KRT84: variants seen among roughly 807,000 people sequenced by gnomAD.
KRT84 encodes the protein keratin 84, also known as keratin, type II cuticular Hb4.
Under a neutral mutation model 49.0 loss-of-function variants are expected in KRT84, and 38 were observed. The ratio of observed to expected loss-of-function variants is 0.78; its 90% CI spans 0.60 to 1.02. The LOEUF is 1.02. Among genes scored for constraint, KRT84 ranks in the 50% least tolerant of loss-of-function variants. KRT84 has a pLI of 0.00. For missense variants in KRT84, 860 were observed against 788.6 expected, an observed-to-expected ratio of 1.09 and a Z score of -1.08; for synonymous variants, 334 against 312.8, an observed-to-expected ratio of 1.07 and a Z score of -0.72.
rs767305118 is a variant in KRT84 at position 52,385,606 on chromosome 12, C to T, written c.-21G>A. 3.1e-6 allele frequency: 5 copies of T among 1,606,088 alleles called. No individual in the cohort carries two copies. In the Admixed American group the frequency reaches 5.0e-5, roughly 16 times the overall value. ...GACATGATGGCTTCCTGGTTGGGAG[C>T]AAAAGAGCAAGTGTAGAATGGGTGA... On this transcript the variant is annotated 5_prime_UTR_variant, in exon 1 of 9. Transcript: ENST00000257951.
Position 52,382,443 on chromosome 12 carries a change from G to A in KRT84, c.906C>T (p.Tyr302=), listed in dbSNP as rs374618344. The A allele has an allele frequency of 6.2e-5, 100 of 1,612,100 alleles. No homozygotes were observed. In the East Asian group the frequency reaches 1.4e-3, roughly 23 times the overall value. Residue 302 remains tyrosine, a synonymous_variant, in exon 4 of 9, where the codon TAC becomes TAT. Transcript: ENST00000257951. The stretch of plus-strand genomic sequence containing the variant: ...AGAGAAGATGAACCCTCACCTCCAT[G>A]TAAAGCGTTTTTAGAAAGTCAATTT... ...TQEIDFLKTL[Y]MEEIQLLQSH...
chr12:52,380,124 T>A (rs557402623), intron 7 of KRT84, among the ~76,000 whole-genome samples: 1 of 152,328 alleles, frequency 6.6e-6, no homozygotes, highest in East Asian at 1.9e-4. Flanking sequence ...TTAGTAGTAA[T>A]TTTAGCAAAA....
rs570049642 is a variant in KRT84, at chr12:52,378,309, C to G, written c.1528G>C (p.Gly510Arg). The G allele has an allele frequency of 2.0e-6, 3 of 1,537,972 alleles. No individual in the cohort carries two copies. The highest frequency in any genetic ancestry group is 2.6e-6 in the Non-Finnish European group (3 of 1,144,502). ...PLVAGSTLSRGGVTFSGSSSV... is the reference protein window; with the variant it reads ...PLVAGSTLSRRGVTFSGSSSV... ...CTGCTACCTGAGAAGGTGACCCCGC[C>G]GCGGGAGAGGGTGGAGCCGGCAACC... is the stretch of plus-strand genomic sequence containing the variant. Residue 510 changes from glycine (G) to arginine (R), a missense_variant, in exon 9 of 9, where the codon GGC (glycine) becomes CGC (arginine). Transcript: ENST00000257951.
rs59731587 is a variant in KRT84 at position 52,383,921 on chromosome 12, C to CT, written c.547-124dup. ...TCGACAGGGTTCTCTCCTCTGCTGA[C>CT]TTTCATTCCTCCACTAACTCAGCAG... On this transcript the variant is annotated intron_variant, in intron 1 of 8. Transcript: ENST00000257951. 3,930 of 753,774 alleles carry CT rather than the reference C, an allele frequency of 5.2e-3. 109 individuals are homozygous for CT. The African/African-American group carries it at 0.063, about 12-fold the overall frequency. The allele number at this position is 753,774 out of a possible 1,614,324, so 46.7% of individuals were successfully genotyped here. A position where few individuals can be genotyped will look rare whatever the true frequency, so the allele number is the denominator to read the frequency against.
At chr12:52,382,395 G>A (rs2121438459) in intron 4 of KRT84, 42 bp downstream of exon 4, 3 of 1,335,344 alleles carry the variant, frequency 2.2e-6, no homozygotes, top group Non-Finnish European at 3.2e-6. Flanking sequence ...TCCAGGCCAA[G>A]CATTGATCTC....
Position 52,382,431 on chromosome 12 carries a change from C to A in KRT84, c.912+6G>T, listed in dbSNP as rs759511852. On this transcript the variant is annotated splice_donor_region_variant and intron_variant, in intron 4 of 8. Coordinates refer to ENST00000257951, the MANE Select transcript of KRT84 (RefSeq NM_033045.4). ...CTTGGGTGCCCTAGAGAAGATGAAC[C>A]CTCACCTCCATGTAAAGCGTTTTTA... 1.2e-6 allele frequency: 2 copies of A among 1,605,724 alleles called. No homozygotes were observed. The highest frequency in any genetic ancestry group is 8.5e-7 in the Non-Finnish European group (1 of 1,172,376).
chr12:52,377,927 A>C lies in KRT84; in HGVS notation c.*107T>G. On this transcript the variant is annotated 3_prime_UTR_variant, in exon 9 of 9. Transcript: ENST00000257951. Reference sequence around the variant, plus strand: ...TGCTAAGGGGTGGCTTCCTGGCAGAAAGGGGAGCTGGAGACCGTCAAGCCC... The same window carrying C: ...TGCTAAGGGGTGGCTTCCTGGCAGACAGGGGAGCTGGAGACCGTCAAGCCC... 1 of 813,562 alleles carries C rather than the reference A, an allele frequency of 1.2e-6. No homozygotes were observed. The highest frequency in any genetic ancestry group is 1.8e-6 in the Non-Finnish European group (1 of 570,778). The allele number at this position is 813,562 out of a possible 1,614,324, so 50.4% of individuals were successfully genotyped here.
In KRT84 at chr12:52,385,518, A is replaced by T. The variant is rs367619340; in HGVS notation, c.68T>A (p.Met23Lys). The T allele has an allele frequency of 3.1e-6, 5 of 1,614,058 alleles. No homozygotes were observed. The African/African-American group carries it at 6.7e-5, about 22-fold the overall frequency. ...RVGNFSSCSA[M>K]TPQNLNRFRA... ...GAAGCGATTCAGGTTCTGTGGTGTC[A>T]TTGCTGAACAAGAGCTGAAGTTGCC... Residue 23 changes from methionine (M) to lysine (K), a missense_variant, in exon 1 of 9, where the codon ATG becomes AAG. Transcript: ENST00000257951.
At chr12:52,378,461 G>T in intron 8 of KRT84, 81 bp from the exon 9 acceptor site, 3 of 1,119,752 alleles carry the variant, frequency 2.7e-6, no homozygotes, top group Non-Finnish European at 3.6e-6. Flanking sequence ...GCACCTCCGG[G>T]TCTGGTGGGG....
chr12:52,385,035 G>C lies in KRT84; in HGVS notation c.546+5C>G. The C allele has an allele frequency of 6.2e-7, 1 of 1,603,736 alleles. No individual in the cohort carries two copies. Among genetic ancestry groups the C allele is most frequent in the Non-Finnish European group, 8.5e-7 (1 of 1,175,318 alleles). On this transcript the variant is annotated splice_donor_5th_base_variant and intron_variant, in intron 1 of 8. Transcript: ENST00000257951. ...TAGACCCAGAGATTCAGCTATCATA[G>C]GTACCTTGTCAATGAAGGAGGCAAA... is the stretch of plus-strand genomic sequence containing the variant.
chr12:52,378,170 A>G lies in KRT84; in HGVS notation c.1667T>C (p.Met556Thr). ...LLSTGTRSGS[M>T]LISEACVPSV... is the part of the protein sequence containing the mutation. ...GGGGACACAGGCCTCGCTGATGAGC[A>G]TGGAGCCACTCCTTGTGCCAGTGCT... The change falls in exon 9 of 9, where the codon ATG becomes ACG. Residue 556 changes from methionine to threonine, a missense_variant. Met to Thr is a moderately conservative substitution (Grantham distance 81). Transcript: ENST00000257951. 6.3e-7 allele frequency: 1 copy of G among 1,578,886 alleles called. No homozygotes were observed. Among genetic ancestry groups the G allele is most frequent in the Admixed American group, 1.8e-5 (1 of 55,322 alleles).
chr12:52,380,159 ATCTAGACTTGCATTTGAGAATCACAGG>A (rs1170292648), intron 7 of KRT84, among the ~76,000 whole-genome samples, 177 bp downstream of exon 7: 3 of 152,370 alleles, frequency 2.0e-5, no homozygotes, highest in African/African-American at 7.2e-5. Context: ...GGTGCAGCTT[ATCTAGACTTGCATTTGAGAATCACAGG>A]TCTAGAGCCT....
Position 52,380,567 on chromosome 12 carries a change from G to C in KRT84, c.1220C>G (p.Ala407Gly), listed in dbSNP as rs747389494. ...CTGCTGCTCGGCCTCGGCCACTGCA[G>C]CCTCCAACTTGGCACGCTGCAGGGA... ...HAKAQRAKLEAAVAEAEQQGE... is the reference protein window; with the variant it reads ...HAKAQRAKLEGAVAEAEQQGE... The change falls in exon 7 of 9, where the codon GCT becomes GGT. Residue 407 changes from alanine to glycine, a missense_variant. Ala to Gly is a moderately conservative substitution (Grantham distance 60, BLOSUM62 0). Transcript: ENST00000257951. The C allele has an allele frequency of 1.2e-6, 2 of 1,612,462 alleles. No individual in the cohort carries two copies. Among genetic ancestry groups the C allele is most frequent in the Non-Finnish European group, 1.7e-6 (2 of 1,179,260 alleles).
rs1397788590 is a variant in KRT84, at chr12:52,385,023, T to C, written c.546+17A>G. The C allele has an allele frequency of 6.3e-7, 1 of 1,594,870 alleles. No individual in the cohort carries two copies. Among genetic ancestry groups the C allele is most frequent in the South Asian group, 1.1e-5 (1 of 87,044 alleles). ...CTGTAATATTCCTAGACCCAGAGAT[T>C]CAGCTATCATAGGTACCTTGTCAAT... On this transcript the variant is annotated intron_variant, in intron 1 of 8. Coordinates refer to ENST00000257951, the MANE Select transcript of KRT84 (RefSeq NM_033045.4).
chr12:52,381,886 T>C (rs1939491040), intron 4 of KRT84, among the ~76,000 whole-genome samples: 1 of 152,178 alleles, frequency 6.6e-6, no homozygotes, highest in African/African-American at 2.4e-5. Context: ...CGTTGAGACC[T>C]GACAATATTT....
At position 52,385,448 on chromosome 12, in the gene KRT84, G is replaced by A; in HGVS notation, c.138C>T (p.Gly46=). ...CACTCCGACTACCAAAGCTGCCAAGGCCCCGGAATCCAGGCCCACTCCAAC... is the reference window on the plus strand; with the variant it reads ...CACTCCGACTACCAAAGCTGCCAAGACCCCGGAATCCAGGCCCACTCCAAC... ...VSCWSGPGFR[G]LGSFGSRSVI... The change falls in exon 1 of 9, where the codon GGC becomes GGT. Residue 46 remains glycine (G), a synonymous_variant. Transcript: ENST00000257951. 6.2e-7 allele frequency: 1 copy of A among 1,614,180 alleles called. No individual in the cohort carries two copies. Among genetic ancestry groups the A allele is most frequent in the Non-Finnish European group, 8.5e-7 (1 of 1,180,032 alleles).
At chr12:52,382,591 C>T (rs1361599697) in intron 3 of KRT84, 59 bp from the exon 4 acceptor site, 4 of 1,390,790 alleles carry the variant, frequency 2.9e-6, no homozygotes, top group East Asian at 2.3e-5. Flanking sequence ...ACCTTCCCAC[C>T]TGTGTCTGGA....
At position 52,381,419 on chromosome 12, in the gene KRT84, T is replaced by A; in HGVS notation, c.1019A>T (p.Gln340Leu). Reference protein sequence around the residue: ...LDGIIAEVKAQYEEVARRSRA... With the variant: ...LDGIIAEVKALYEEVARRSRA... ...GCTGCGCCTGGCCACCTCCTCATACTGGGCCTTGACCTCAGCAATGATCCC... is the reference window on the plus strand; with the variant it reads ...GCTGCGCCTGGCCACCTCCTCATACAGGGCCTTGACCTCAGCAATGATCCC... Residue 340 changes from glutamine to leucine, a missense_variant, in exon 5 of 9, where the codon CAG (glutamine) becomes CTG (leucine). By Grantham distance (113) the Gln-to-Leu change is moderately radical. Transcript: ENST00000257951. The A allele has an allele frequency of 6.2e-7, 1 of 1,614,218 alleles. No individual in the cohort carries two copies. Among genetic ancestry groups the A allele is most frequent in the South Asian group, 1.1e-5 (1 of 91,082 alleles).
At chr12:52,382,752 A>AAATCT (rs1476743138) in intron 3 of KRT84, among the ~76,000 whole-genome samples, 1 of 152,222 alleles carries the variant, frequency 6.6e-6, no homozygotes, top group African/African-American at 2.4e-5. Context: ...GAGGCAAAGA[A>AAATCT]AATCTAGATA....
Sources: gnomAD v4.1 joint callset for allele counts (sites outside exome capture counted in the v4.1 genomes callset) on GRCh38, gnomAD v4.1.1 for gene constraint, MANE v1.5 for transcripts, NCBI Gene and HGNC (gene_info 2026-07-23, HGNC 2026-07-21) for gene names.